The following BBS9 variants were observed in gnomAD, a reference collection of about 807,000 sequenced individuals.
BBS9 encodes the protein Bardet-Biedl syndrome 9, also known as protein PTHB1.
Under a neutral mutation model 117.7 loss-of-function variants are expected in BBS9, and 89 were observed. That is an observed-to-expected ratio of 0.76 (90% CI 0.64 to 0.90). BBS9 has a LOEUF of 0.90. Among genes scored for constraint, BBS9 ranks in the 40% least tolerant of loss-of-function variants. BBS9 has a pLI of 0.00. For synonymous variants in BBS9, 379 were observed against 370.9 expected (o/e 1.02, Z -0.25); for missense variants, 982 against 1,042.2 (o/e 0.94, Z 0.80).
chr7:33,565,843 CTTATATATATATATATA>C (rs1856843457), intron 21 of BBS9, among the ~76,000 whole-genome samples: 1 of 34,034 alleles, frequency 2.9e-5, no homozygotes, highest in African/African-American at 9.3e-5. Flanking sequence ...ATATATACTG[CTTATATATATATATATA>C]TATATATATA....
intron 13 of BBS9, among the ~76,000 whole-genome samples, chr7:33,350,033 G>A (rs1002791757): frequency 1.3e-5 from 2 of 152,176 alleles, no homozygotes; most frequent in Non-Finnish European, 2.9e-5. Flanking sequence ...TAAAATAGTA[G>A]ACATGTCATT....
At position 33,265,573 on chromosome 7, in the gene BBS9, G is replaced by A. The variant is rs190549358; in HGVS notation, c.702+1199G>A. ...AAAATGTTGTTATTAGGCTGGGCGCGGTGGCTCATGCCTGTAATCCCAGCA... is the reference window on the plus strand; with the variant it reads ...AAAATGTTGTTATTAGGCTGGGCGCAGTGGCTCATGCCTGTAATCCCAGCA... On this transcript the variant is annotated intron_variant, in intron 7 of 22. Transcript: ENST00000242067. Among the ~76,000 whole-genome samples, 5 of 152,174 alleles carry A rather than the reference G, an allele frequency of 3.3e-5. No homozygotes were observed. In the East Asian group the frequency reaches 5.8e-4, roughly 18 times the overall value.
chr7:33,542,839 A>G (rs1446787959), intron 21 of BBS9, among the ~76,000 whole-genome samples: 1 of 129,682 alleles, frequency 7.7e-6, no homozygotes, highest in Non-Finnish European at 1.6e-5. Flanking sequence ...ACACACACAC[A>G]GTTTCTTTAT....
intron 21 of BBS9, among the ~76,000 whole-genome samples, chr7:33,564,943 A>C (rs928749913): frequency 6.6e-6 from 1 of 152,070 alleles, no homozygotes; most frequent in African/African-American, 2.4e-5. Flanking sequence ...TAACATCAAA[A>C]GGAAATATTT....
chr7:33,169,071 T>C (rs900082529), intron 4 of BBS9, among the ~76,000 whole-genome samples: 1 of 152,154 alleles, frequency 6.6e-6, no homozygotes, highest in African/African-American at 2.4e-5. Flanking sequence ...TTTGGTTTTT[T>C]GTCCTTGCGA....
intron 1 of BBS9, among the ~76,000 whole-genome samples, chr7:33,138,296 AT>A (rs11423938): frequency 0.2 from 30,212 of 148,946 alleles, 3,473 homozygotes; most frequent in East Asian, 0.25. Context: ...TTGAAAAATG[AT>A]TTTTTTTAAG....
chr7:33,197,192 G>A (rs1181349206), intron 5 of BBS9, among the ~76,000 whole-genome samples: 1 of 152,114 alleles, frequency 6.6e-6, no homozygotes, highest in Non-Finnish European at 1.5e-5. Context: ...CACTGCCTTT[G>A]ACAAGATGGT....
intron 19 of BBS9, among the ~76,000 whole-genome samples, chr7:33,414,687 G>A (rs1246375366): frequency 6.6e-6 from 1 of 152,108 alleles, no homozygotes; most frequent in Non-Finnish European, 1.5e-5. Flanking sequence ...CAGTTTCCTA[G>A]TATTGAATAA....
chr7:33,476,430 G>T (rs1488566955), intron 19 of BBS9, among the ~76,000 whole-genome samples: 1 of 152,224 alleles, frequency 6.6e-6, no homozygotes, highest in East Asian at 1.9e-4. Flanking sequence ...GGAGACTCCA[G>T]GGCAGTAGGA....
chr7:33,298,542 T>G (rs2128418587), intron 9 of BBS9, among the ~76,000 whole-genome samples: 1 of 152,290 alleles, frequency 6.6e-6, no homozygotes, highest in East Asian at 1.9e-4. Flanking sequence ...TTAAATCCCT[T>G]TAAGAATGAT....
intron 5 of BBS9, among the ~76,000 whole-genome samples, chr7:33,205,898 A>C (rs1328309051): frequency 1.3e-5 from 2 of 152,166 alleles, no homozygotes; most frequent in South Asian, 2.1e-4. Context: ...TTATTTTGTA[A>C]GTATTTAATT....
At chr7:33,370,021 T>A (rs1822554239) in intron 17 of BBS9, among the ~76,000 whole-genome samples, 1 of 152,210 alleles carries the variant, frequency 6.6e-6, no homozygotes, top group Non-Finnish European at 1.5e-5. Flanking sequence ...CAAGCCTTCA[T>A]GTATGCTGTA....
chr7:33,398,833 G>A (rs890652867), intron 19 of BBS9, among the ~76,000 whole-genome samples: 8 of 152,082 alleles, frequency 5.3e-5, no homozygotes, highest in African/African-American at 1.2e-4. Context: ...CTACAGGCAC[G>A]CGCCACCAAA....
chr7:33,563,765 G>A (rs1357831938), intron 21 of BBS9, among the ~76,000 whole-genome samples: 1 of 152,186 alleles, frequency 6.6e-6, no homozygotes, highest in Admixed American at 6.5e-5. Flanking sequence ...TGATGGTCGA[G>A]GGAAGGAATG....
chr7:33,408,070 G>T (rs920803018), intron 19 of BBS9, among the ~76,000 whole-genome samples: 1 of 152,124 alleles, frequency 6.6e-6, no homozygotes, highest in Non-Finnish European at 1.5e-5. Flanking sequence ...CAGGCCTCCT[G>T]GAGCTGTGGT....
intron 17 of BBS9, chr7:33,380,826 A>C (rs541580417): frequency 1.3e-5 from 2 of 152,628 alleles, no homozygotes; most frequent in African/African-American, 4.8e-5. Context: ...GTGTTCTGGG[A>C]GATCACAAAG....
chr7:33,337,367 A>G (rs1815598127), intron 10 of BBS9, among the ~76,000 whole-genome samples: 1 of 152,212 alleles, frequency 6.6e-6, no homozygotes, highest in African/African-American at 2.4e-5. Context: ...ATTTTCACAT[A>G]AAAGAAATGT....
intron 5 of BBS9, among the ~76,000 whole-genome samples, chr7:33,188,980 G>A (rs1422530833): frequency 6.6e-6 from 1 of 151,990 alleles, no homozygotes; most frequent in Non-Finnish European, 1.5e-5. Flanking sequence ...ATAGTATTTT[G>A]CTGAAAAAAT....
chr7:33,284,329 G>T (rs1802476872), intron 9 of BBS9, among the ~76,000 whole-genome samples: 1 of 152,140 alleles, frequency 6.6e-6, no homozygotes, highest in Admixed American at 6.6e-5. Context: ...TTTTTGGTAA[G>T]TTTTGCTGTA....
Sources: allele counts gnomAD v4.1 joint callset (sites outside exome capture counted in the v4.1 genomes callset), GRCh38; gene constraint gnomAD v4.1.1; transcripts MANE v1.5; gene names NCBI Gene and HGNC (gene_info 2026-07-23, HGNC 2026-07-21).